INPP5D: variants seen among roughly 807,000 people sequenced by gnomAD.
The protein encoded by INPP5D is inositol polyphosphate-5-phosphatase D, also known as phosphatidylinositol 3,4,5-trisphosphate 5-phosphatase 1.
In INPP5D, 33 loss-of-function variants were observed where a neutral mutation model predicts 122.9. The ratio of observed to expected loss-of-function variants is 0.27; its 90% CI spans 0.20 to 0.36. INPP5D has a LOEUF of 0.36. INPP5D is among the 10% of genes least tolerant of loss of function. The pLI is 1.00. For missense variants in INPP5D, 1,053 were observed against 1,412.7 expected (o/e 0.75, Z 4.08); for synonymous variants, 584 against 576.2 (o/e 1.01, Z -0.19).
chr2:233,098,330 A>G (rs6437093), intron 2 of INPP5D, among the ~76,000 whole-genome samples: 107,178 of 152,020 alleles, frequency 0.71, 38,003 homozygotes, highest in Middle Eastern at 0.8. Flanking sequence ...CACCGTGGAT[A>G]GGAGCTGGAA....
At chr2:233,137,856 ATATAT>A (rs1559313281) in intron 5 of INPP5D, among the ~76,000 whole-genome samples, 19 of 14,368 alleles carry the variant, frequency 1.3e-3, no homozygotes, top group African/African-American at 1.8e-3. Context: ...AAAAAAAAAT[ATATAT>A]ATATATATAT....
At chr2:233,089,644 C>T (rs147527637) in intron 2 of INPP5D, among the ~76,000 whole-genome samples, 6 of 152,292 alleles carry the variant, frequency 3.9e-5, no homozygotes, top group African/African-American at 9.6e-5. Flanking sequence ...GTCCAGTGAG[C>T]GTTATAGCCG....
Position 233,170,350 on chromosome 2 carries a change from C to T in INPP5D, c.1792-146C>T. The T allele has an allele frequency of 2.0e-6, 3 of 1,488,384 alleles. No homozygotes were observed. Among genetic ancestry groups the T allele is most frequent in the East Asian group, 4.9e-5 (2 of 40,518 alleles). 92.2% of individuals were successfully genotyped at this position (1,488,384 alleles called of 1,614,324 possible). A position where few individuals can be genotyped will look rare whatever the true frequency, so the allele number is the denominator to read the frequency against. ...GCTCCTCACGGTTCCCCTGTGCTCA[C>T]ACCCGGTTCCCATAACTGTCACAGC... On this transcript the variant is annotated intron_variant, in intron 15 of 26. Coordinates refer to ENST00000445964, the MANE Select transcript of INPP5D (RefSeq NM_001017915.3). The surrounding 1 kb of genome is among the most constrained non-coding windows in gnomAD (Gnocchi z 4.5).
chr2:233,181,372 C>T (rs994196239), intron 18 of INPP5D, among the ~76,000 whole-genome samples: 4 of 152,204 alleles, frequency 2.6e-5, no homozygotes, highest in South Asian at 2.1e-4. Context: ...CCTTTGCTGG[C>T]GGTTTTTCCT....
At chr2:233,087,009 A>G (rs1199167590) in intron 2 of INPP5D, among the ~76,000 whole-genome samples, 2 of 152,130 alleles carry the variant, frequency 1.3e-5, no homozygotes, top group African/African-American at 4.8e-5. Flanking sequence ...CTGACCAGAA[A>G]AAGCACAAAA....
chr2:233,125,551 G>A (rs1210009561), intron 3 of INPP5D, among the ~76,000 whole-genome samples, 194 bp from the exon 4 acceptor site: 1 of 152,170 alleles, frequency 6.6e-6, no homozygotes, highest in Non-Finnish European at 1.5e-5. Flanking sequence ...GATGGCCACA[G>A]TGGGGCAGAC....
intron 5 of INPP5D, among the ~76,000 whole-genome samples, chr2:233,137,832 CAAAAAAA>C (rs746005379): frequency 6.9e-4 from 7 of 10,144 alleles, no homozygotes; most frequent in African/African-American, 1.9e-3. Context: ...AACTCCATCA[CAAAAAAA>C]AAAAAAAAAA....
chr2:233,158,812 G>A lies in INPP5D; in HGVS notation c.1137+393G>A, dbSNP rs562409542. Among the ~76,000 whole-genome samples, 118 of 152,162 alleles carry A rather than the reference G, an allele frequency of 7.8e-4. 2 individuals carry two copies. Among genetic ancestry groups the A allele is most frequent in the Admixed American group, 5.3e-3 (81 of 15,296 alleles). ...ACTGACTGACTTGAGACAGCGTCTCGCTTTACCATCTAGGCTAGTGCAGTG... is the reference window on the plus strand; with the variant it reads ...ACTGACTGACTTGAGACAGCGTCTCACTTTACCATCTAGGCTAGTGCAGTG... On this transcript the variant is annotated intron_variant, in intron 10 of 26. Transcript: ENST00000445964.
chr2:233,206,956 C>A lies in INPP5D; in HGVS notation c.*248C>A. 1 of 492,524 alleles carries A rather than the reference C, an allele frequency of 2.0e-6. No homozygotes were observed. The highest frequency in any genetic ancestry group is 3.6e-5 in the Admixed American group (1 of 27,558). 30.5% of individuals were successfully genotyped at this position (492,524 alleles called of 1,614,324 possible). ...ACAAACAGTCTGGGTCCCCAGCTCG[C>A]TCTTGGTACTTGGGACCCCAGTGCC... On this transcript the variant is annotated 3_prime_UTR_variant, in exon 27 of 27. Coordinates refer to ENST00000445964, the MANE Select transcript of INPP5D (RefSeq NM_001017915.3). The surrounding 1 kb of genome is among the most constrained non-coding windows in gnomAD (Gnocchi z 4.0).
At chr2:233,171,016 T>C in intron 16 of INPP5D, 48 bp from the exon 17 acceptor site, 1 of 1,601,382 alleles carries the variant, frequency 6.2e-7, no homozygotes, top group East Asian at 2.2e-5. Context: ...ATTGGCCAGA[T>C]GCAAAACCTG....
At chr2:233,171,446 A>T (rs554023487) in intron 17 of INPP5D, among the ~76,000 whole-genome samples, 111 of 152,292 alleles carry the variant, frequency 7.3e-4, no homozygotes, top group African/African-American at 2.5e-3. Context: ...ATTTTTTTAA[A>T]GTCCCGTGAT....
intron 5 of INPP5D, among the ~76,000 whole-genome samples, chr2:233,133,623 C>T (rs1693390462): frequency 1.3e-5 from 2 of 152,146 alleles, no homozygotes; most frequent in South Asian, 4.1e-4. Flanking sequence ...ATAGATTATT[C>T]ATTGTTTATC....
At chr2:233,182,384 T>A in intron 18 of INPP5D, 26 bp from the exon 19 acceptor site, 3 of 1,612,812 alleles carry the variant, frequency 1.9e-6, no homozygotes, top group Non-Finnish European at 2.5e-6. Context: ...CCTTCCCTGC[T>A]TAAAAATGCC....
chr2:233,189,833 T>TG lies in INPP5D; in HGVS notation c.2359-16dup, dbSNP rs779033595. The stretch of plus-strand genomic sequence containing the variant: ...CCCTTGCCCATCAACTCCAGTCCTG[T>TG]GCCCTTCTCTCTGCAGCTGAAGCCC... On this transcript the variant is annotated splice_polypyrimidine_tract_variant and intron_variant, in intron 21 of 26. Coordinates refer to ENST00000445964, the MANE Select transcript of INPP5D (RefSeq NM_001017915.3). This position sits in a 1 kb window ranked among gnomAD's most constrained non-coding sequence, Gnocchi z 5.6. 10 of 1,612,366 alleles carry TG rather than the reference T, an allele frequency of 6.2e-6. No individual in the cohort carries two copies. In the African/African-American group the frequency reaches 1.3e-4, roughly 21 times the overall value.
rs530786036 is a variant in INPP5D, at chr2:233,062,256, G to C, written c.134+1644G>C. ...CCCCATCTCATTAACCTTCAACACA[G>C]CCCTTTGACCAGGGCTTGCTTTGTG... On this transcript the variant is annotated intron_variant, in intron 1 of 26. Transcript: ENST00000445964. 4.6e-5 allele frequency among the ~76,000 whole-genome samples: 7 copies of C among 152,314 alleles called. No homozygotes were observed. In the South Asian group the frequency reaches 1.4e-3, roughly 32 times the overall value.
chr2:233,127,828 G>A (rs529303479), intron 4 of INPP5D, among the ~76,000 whole-genome samples: 2 of 152,220 alleles, frequency 1.3e-5, no homozygotes, highest in South Asian at 2.1e-4. Flanking sequence ...GGCTAGTCTC[G>A]AACTCCCAAC....
Position 233,204,360 on chromosome 2 carries a change from C to A in INPP5D, c.3210C>A (p.Arg1070=). The A allele has an allele frequency of 1.9e-6, 3 of 1,610,074 alleles. No homozygotes were observed. The highest frequency in any genetic ancestry group is 2.5e-6 in the Non-Finnish European group (3 of 1,178,180). Reference sequence around the variant, plus strand: ...TCACCAAAGCCCAGGAGGCTGATCGCGGCGAGGGGCCCGGCAAGCAGGTGC... The same window carrying A: ...TCACCAAAGCCCAGGAGGCTGATCGAGGCGAGGGGCCCGGCAAGCAGGTGC... ...IVLTKAQEAD[R]GEGPGKQVPA... The change falls in exon 26 of 27, where the codon CGC becomes CGA. Residue 1070 remains arginine (R), a synonymous_variant. Transcript: ENST00000445964.
chr2:233,084,681 C>A (rs564097442), intron 2 of INPP5D, among the ~76,000 whole-genome samples: 63 of 152,224 alleles, frequency 4.1e-4, no homozygotes, highest in Non-Finnish European at 5.4e-4. Context: ...TGAGTGGTCA[C>A]TGAGTGAAGT....
chr2:233,096,258 C>T (rs1375450454), intron 2 of INPP5D, among the ~76,000 whole-genome samples: 5 of 152,214 alleles, frequency 3.3e-5, no homozygotes, highest in Non-Finnish European at 5.9e-5. Flanking sequence ...ATGATGCTCA[C>T]ACATCTCAAT....
Sources: allele counts gnomAD v4.1 joint callset (sites outside exome capture counted in the v4.1 genomes callset), GRCh38; gene constraint gnomAD v4.1.1; non-coding constraint Gnocchi (gnomAD v3.1); transcripts MANE v1.5; gene names NCBI Gene and HGNC (gene_info 2026-07-23, HGNC 2026-07-21).